Variants in EEF1AKMT1 observed in about 807,000 individuals in gnomAD.
EEF1AKMT1 encodes EEF1A lysine methyltransferase 1.
EEF1AKMT1 carries 18 observed loss-of-function variants against 21.0 expected under a neutral mutation model. The observed-to-expected ratio is 0.86, with a 90% CI of 0.59 to 1.27. The LOEUF (loss-of-function observed/expected upper bound fraction) is 1.27. Ranked by LOEUF, EEF1AKMT1 falls within the 50% of genes most tolerant of loss-of-function variation. The pLI, the probability that EEF1AKMT1 is intolerant of heterozygous loss-of-function variation, is 0.00. For synonymous variants in EEF1AKMT1, 109 were observed against 94.8 expected, an observed-to-expected ratio of 1.15 and a Z score of -0.87; for missense variants, 246 against 258.6, an observed-to-expected ratio of 0.95 and a Z score of 0.33.
At chr13:20,763,971 T>A (rs1185862636) in intron 1 of EEF1AKMT1, among the ~76,000 whole-genome samples, 3 of 151,398 alleles carry the variant, frequency 2.0e-5, no homozygotes, top group African/African-American at 7.3e-5. Context: ...ATATCCCCCA[T>A]TTCATTCCTA....
rs2058772151 is a variant in EEF1AKMT1 at position 20,728,738 on chromosome 13, C to T, written c.*342G>A. 3.5e-6 allele frequency: 1 copy of T among 286,466 alleles called. No individual in the cohort carries two copies. The highest frequency in any genetic ancestry group is 6.7e-6 in the Non-Finnish European group (1 of 149,710). 17.7% of individuals were successfully genotyped at this position (286,466 alleles called of 1,614,324 possible). ...TAGGATGCTACCAGACTGCTCTGGC[C>T]CGAGGCAGAGGCCAAGGTCCTGTCT... On this transcript the variant is annotated 3_prime_UTR_variant, in exon 5 of 5. Transcript: ENST00000382758.
intron 4 of EEF1AKMT1, among the ~76,000 whole-genome samples, chr13:20,730,844 A>T (rs1011981462): frequency 1.3e-5 from 2 of 152,170 alleles, no homozygotes; most frequent in Non-Finnish European, 2.9e-5. Flanking sequence ...CAGTGCAACC[A>T]GGTGTTGTCC....
At chr13:20,733,120 G>C (rs1174459688) in intron 3 of EEF1AKMT1, among the ~76,000 whole-genome samples, 1 of 130,412 alleles carries the variant, frequency 7.7e-6, no homozygotes, top group Non-Finnish European at 1.6e-5. Context: ...TTTTGAGACA[G>C]GGTCTCACTC....
At chr13:20,772,856 C>T (rs2059069280) in intron 1 of EEF1AKMT1, among the ~76,000 whole-genome samples, 1 of 152,118 alleles carries the variant, frequency 6.6e-6, no homozygotes, top group South Asian at 2.1e-4. Flanking sequence ...TAGGGCAAAA[C>T]CACCATACTG....
In EEF1AKMT1 at chr13:20,757,363, C is replaced by T. The variant is rs547697595; in HGVS notation, c.144+92G>A. ...CCCAAATGACAGGTGACAGAGATTC[C>T]GGTTTTAGGTGAGACAGACAAACAC... On this transcript the variant is annotated intron_variant, in intron 2 of 4. Coordinates refer to ENST00000382758, the MANE Select transcript of EEF1AKMT1 (RefSeq NM_001318939.2). 1.7e-5 allele frequency: 24 copies of T among 1,441,278 alleles called. No homozygotes were observed. In the East Asian group the frequency reaches 2.8e-4, roughly 17 times the overall value. 89.3% of individuals were successfully genotyped at this position (1,441,278 alleles called of 1,614,324 possible).
chr13:20,767,292 C>A (rs1457421150), intron 1 of EEF1AKMT1, among the ~76,000 whole-genome samples: 7 of 109,930 alleles, frequency 6.4e-5, no homozygotes, highest in African/African-American at 2.5e-4. Context: ...GGCGACAAAG[C>A]GAGATTCTGT....
chr13:20,730,838 G>A (rs896852313), intron 4 of EEF1AKMT1, among the ~76,000 whole-genome samples: 4 of 152,278 alleles, frequency 2.6e-5, no homozygotes, highest in East Asian at 1.9e-4. Flanking sequence ...AGCCAGCAGT[G>A]CAACCAGGTG....
intron 2 of EEF1AKMT1, 134 bp from the exon 3 acceptor site, chr13:20,737,939 T>C (rs1595013788): frequency 2.1e-6 from 1 of 476,112 alleles, no homozygotes; most frequent in African/African-American, 2.0e-5. Context: ...AGTGGACAGA[T>C]ATTTTTAAAA....
At chr13:20,729,921 G>A (rs1252777310) in intron 4 of EEF1AKMT1, among the ~76,000 whole-genome samples, 1 of 152,210 alleles carries the variant, frequency 6.6e-6, no homozygotes, top group Non-Finnish European at 1.5e-5. Flanking sequence ...TAAAGCGAAC[G>A]TCTTACGTCT....
intron 2 of EEF1AKMT1, among the ~76,000 whole-genome samples, chr13:20,741,105 G>T (rs2058867983): frequency 6.6e-6 from 1 of 151,982 alleles, no homozygotes; most frequent in Admixed American, 6.6e-5. Flanking sequence ...CAGCCTGGAG[G>T]TGAGTACCTC....
At chr13:20,769,819 C>G (rs2059054222) in intron 1 of EEF1AKMT1, among the ~76,000 whole-genome samples, 1 of 151,976 alleles carries the variant, frequency 6.6e-6, no homozygotes, top group African/African-American at 2.4e-5. Flanking sequence ...GAGAAACCAT[C>G]CCTGAGAAAG....
At chr13:20,744,918 C>T (rs1050464927) in intron 2 of EEF1AKMT1, among the ~76,000 whole-genome samples, 7 of 152,100 alleles carry the variant, frequency 4.6e-5, no homozygotes, top group Non-Finnish European at 1.0e-4. Context: ...GCCAGTTTTC[C>T]CAGCATCCTT....
chr13:20,730,652 G>A (rs1388354665), intron 4 of EEF1AKMT1, among the ~76,000 whole-genome samples: 1 of 152,084 alleles, frequency 6.6e-6, no homozygotes, highest in Non-Finnish European at 1.5e-5. Flanking sequence ...TGGGTCTAGT[G>A]GGGACTTGGA....
At chr13:20,760,349 A>G (rs1436059532) in intron 1 of EEF1AKMT1, among the ~76,000 whole-genome samples, 1 of 152,198 alleles carries the variant, frequency 6.6e-6, no homozygotes, top group Non-Finnish European at 1.5e-5. Flanking sequence ...ATGGAATAGT[A>G]CACAGCCATA....
chr13:20,760,989 C>T (rs1008445781), intron 1 of EEF1AKMT1, among the ~76,000 whole-genome samples: 2 of 152,192 alleles, frequency 1.3e-5, no homozygotes, highest in Non-Finnish European at 2.9e-5. Flanking sequence ...TATCCTTCCA[C>T]CTATTTTTCC....
At chr13:20,745,675 C>A (rs1301601448) in intron 2 of EEF1AKMT1, among the ~76,000 whole-genome samples, 1 of 151,766 alleles carries the variant, frequency 6.6e-6, no homozygotes, top group Non-Finnish European at 1.5e-5. Flanking sequence ...ATGGTGAAAC[C>A]CCATCTCTTC....
At chr13:20,746,667 CA>C (rs1439088840) in intron 2 of EEF1AKMT1, among the ~76,000 whole-genome samples, 1 of 151,262 alleles carries the variant, frequency 6.6e-6, no homozygotes, top group African/African-American at 2.4e-5. Context: ...ACTCCAACAC[CA>C]TCAGGGCACA....
At position 20,757,313 on chromosome 13, in the gene EEF1AKMT1, T is replaced by C. The variant is rs564470565; in HGVS notation, c.144+142A>G. ...AATGTTCACTGACTGCTTTCTGTCT[T>C]AGCTCCCCATAGAGAAGTTCAGATC... On this transcript the variant is annotated intron_variant, in intron 2 of 4. Transcript: ENST00000382758. 3.1e-5 allele frequency: 28 copies of C among 889,638 alleles called. No homozygotes were observed. The African/African-American group carries it at 4.3e-4, about 14-fold the overall frequency. 55.1% of individuals were successfully genotyped at this position (889,638 alleles called of 1,614,324 possible).
chr13:20,748,400 A>C (rs1229673917), intron 2 of EEF1AKMT1, among the ~76,000 whole-genome samples: 1 of 150,724 alleles, frequency 6.6e-6, no homozygotes, highest in Non-Finnish European at 1.5e-5. Flanking sequence ...GCGCCACTGC[A>C]CTCCAACCTG....
Sources: gnomAD v4.1 joint callset for allele counts (sites outside exome capture counted in the v4.1 genomes callset) on GRCh38, gnomAD v4.1.1 for gene constraint, MANE v1.5 for transcripts, NCBI Gene and HGNC (gene_info 2026-07-23, HGNC 2026-07-21) for gene names.